Variants in IGF2BP1 observed in about 807,000 individuals in gnomAD.
The protein encoded by IGF2BP1 is insulin-like growth factor 2 mRNA-binding protein 1.
In IGF2BP1, 11 loss-of-function variants were observed where a neutral mutation model predicts 74.9. The observed-to-expected ratio is 0.15, with a 90% confidence interval of 0.09 to 0.24. The LOEUF is 0.24. Ranked by LOEUF, IGF2BP1 falls within the 10% of genes least tolerant of loss-of-function variation. The pLI is 1.00. For synonymous variants in IGF2BP1, 287 were observed against 281.8 expected (o/e 1.02, Z -0.18); for missense variants, 440 against 757.4 (o/e 0.58, Z 4.92).
rs769647368 is a variant in IGF2BP1, at chr17:49,044,021, G to A, written c.1255G>A (p.Ala419Thr). 3 of 1,614,128 alleles carry A rather than the reference G, an allele frequency of 1.9e-6. No homozygotes were observed. Among genetic ancestry groups the A allele is most frequent in the Non-Finnish European group, 1.7e-6 (2 of 1,180,026 alleles). Residue 419 changes from alanine to threonine, a missense_variant, in exon 11 of 15, where the codon GCC becomes ACC. Physicochemically the swap from Ala to Thr is moderately conservative, Grantham distance 58 (BLOSUM62 0). Coordinates refer to ENST00000290341, the MANE Select transcript of IGF2BP1 (RefSeq NM_006546.4). ...QVFIPAQAVG[A>T]IIGKKGQHIK... is the part of the protein sequence containing the mutation. Reference sequence around the variant, plus strand: ...GTTTATCCCCGCCCAGGCAGTGGGCGCCATCATCGGCAAGAAGGGGCAGCA... The same window carrying A: ...GTTTATCCCCGCCCAGGCAGTGGGCACCATCATCGGCAAGAAGGGGCAGCA...
Position 49,054,411 on chromosome 17 carries a change from C to T in IGF2BP1, c.*4967C>T, listed in dbSNP as rs767866941. On this transcript the variant is annotated 3_prime_UTR_variant, in exon 15 of 15. Transcript: ENST00000290341. Reference sequence around the variant, plus strand: ...AAGATTGGAACTAAGGGCAGGGACTCATGCATAAGGGTATGAATCCCAGCC... The same window carrying T: ...AAGATTGGAACTAAGGGCAGGGACTTATGCATAAGGGTATGAATCCCAGCC... 4.6e-5 allele frequency: 7 copies of T among 152,690 alleles called. No individual in the cohort carries two copies. Among genetic ancestry groups the T allele is most frequent in the Non-Finnish European group, 1.0e-4 (7 of 68,058 alleles). The allele number at this position is 152,690 out of a possible 1,614,324, so 9.5% of individuals were successfully genotyped here.
chr17:49,038,135 G>A, intron 5 of IGF2BP1, 33 bp from the exon 6 acceptor site: 2 of 1,445,096 alleles, frequency 1.4e-6, no homozygotes, highest in Non-Finnish European at 1.8e-6. Context: ...GGCATGGATT[G>A]GAATGACCTG....
At chr17:49,045,198 C>G in intron 12 of IGF2BP1, 133 bp downstream of exon 12, 1 of 692,176 alleles carries the variant, frequency 1.4e-6, no homozygotes. Flanking sequence ...GCCTTCCATG[C>G]AGGATAAAGG....
rs1004501970 is a variant in IGF2BP1, at chr17:49,055,824, C to CGTAG, written c.*6380_*6381insGTAG. 7.0e-6 allele frequency among the ~76,000 whole-genome samples: 1 copy of CGTAG among 143,178 alleles called. No individual in the cohort carries two copies. The highest frequency in any genetic ancestry group is 7.2e-5 in the Admixed American group (1 of 13,880). 93.9% of individuals were successfully genotyped at this position (143,178 alleles called of 152,430 possible). A position where few individuals can be genotyped will look rare whatever the true frequency, so the allele number is the denominator to read the frequency against. On this transcript the variant is annotated 3_prime_UTR_variant, in exon 15 of 15. Transcript: ENST00000290341. ...CAAATTGGGAAGAGCTGGAGGCCTA[C>CGTAG]TGCTTGGGACAGTTTTTTTTTTTTT...
At chr17:49,002,365 A>C (rs2041497696) in intron 2 of IGF2BP1, among the ~76,000 whole-genome samples, 1 of 152,130 alleles carries the variant, frequency 6.6e-6, no homozygotes, top group Non-Finnish European at 1.5e-5. Flanking sequence ...GCTCTGAAGA[A>C]ATCACTTGGA....
In IGF2BP1 at chr17:49,038,357, C is replaced by T. The variant is rs1430127332; in HGVS notation, c.591C>T (p.Pro197=). Residue 197 remains proline, a synonymous_variant, in exon 6 of 15, where the codon CCC becomes CCT. Coordinates refer to ENST00000290341, the MANE Select transcript of IGF2BP1 (RefSeq NM_006546.4). ...CCAAGCAGCAGCAAGTGGACATCCC[C>T]CTTCGGCTCCTGGTGCCCACCCAGT... ...APAKQQQVDI[P]LRLLVPTQYV... 1.2e-6 allele frequency: 2 copies of T among 1,605,412 alleles called. No individual in the cohort carries two copies. Among genetic ancestry groups the T allele is most frequent in the Admixed American group, 1.7e-5 (1 of 58,400 alleles).
intron 1 of IGF2BP1, 89 bp downstream of exon 1, chr17:48,998,009 C>A: frequency 6.8e-7 from 1 of 1,466,342 alleles, no homozygotes; most frequent in South Asian, 1.3e-5. Context: ...CCGCCAACTC[C>A]TCTCTTCCCG....
In IGF2BP1 at chr17:48,997,942, G is replaced by C. The variant is rs1471368026; in HGVS notation, c.175+22G>C. 1 of 1,608,870 alleles carries C rather than the reference G, an allele frequency of 6.2e-7. No individual in the cohort carries two copies. The highest frequency in any genetic ancestry group is 8.5e-7 in the Non-Finnish European group (1 of 1,177,450). On this transcript the variant is annotated intron_variant, in intron 1 of 14. Coordinates refer to ENST00000290341, the MANE Select transcript of IGF2BP1 (RefSeq NM_006546.4). The surrounding 1 kb of genome is among the most constrained non-coding windows in gnomAD (Gnocchi z 4.8). The stretch of plus-strand genomic sequence containing the variant: ...TCCGGTAAGAACACAGCCACCTCCC[G>C]GAAAAGCCACAACGAGAGCCCCGAA...
At chr17:49,015,328 G>A (rs937238683) in intron 2 of IGF2BP1, among the ~76,000 whole-genome samples, 2 of 152,148 alleles carry the variant, frequency 1.3e-5, no homozygotes, top group Non-Finnish European at 2.9e-5. Context: ...CACCGGGGGC[G>A]AGTGCTAAAC....
intron 7 of IGF2BP1, 62 bp downstream of exon 7, chr17:49,040,153 C>T (rs2042034743): frequency 6.3e-7 from 1 of 1,576,840 alleles, no homozygotes; most frequent in Non-Finnish European, 8.7e-7. Context: ...CTCCCCAACT[C>T]AACTTTCAAG....
chr17:49,017,582 A>C (rs1253867552), intron 2 of IGF2BP1, among the ~76,000 whole-genome samples: 1 of 152,150 alleles, frequency 6.6e-6, no homozygotes, highest in Admixed American at 6.5e-5. Flanking sequence ...CTAGTATTCT[A>C]AACTAGATTA....
chr17:49,029,085 G>T (rs1466414519), intron 4 of IGF2BP1, among the ~76,000 whole-genome samples: 1 of 152,198 alleles, frequency 6.6e-6, no homozygotes, highest in Non-Finnish European at 1.5e-5. Context: ...GATTACAGGA[G>T]TAAGCCACCG....
intron 4 of IGF2BP1, among the ~76,000 whole-genome samples, chr17:49,027,143 C>T (rs1160392089): frequency 1.3e-5 from 2 of 152,184 alleles, no homozygotes; most frequent in Non-Finnish European, 2.9e-5. Flanking sequence ...GGCGTGGACT[C>T]CTGGCCTCGG....
At chr17:49,023,660 C>T (rs2041817994) in intron 2 of IGF2BP1, among the ~76,000 whole-genome samples, 1 of 152,202 alleles carries the variant, frequency 6.6e-6, no homozygotes, top group Non-Finnish European at 1.5e-5. Flanking sequence ...ATTAGAGGGA[C>T]AGCCAGTCAG....
intron 2 of IGF2BP1, chr17:49,018,036 T>TA (rs1434117180): frequency 6.6e-6 from 1 of 152,292 alleles, no homozygotes; most frequent in Non-Finnish European, 1.5e-5. Flanking sequence ...GTGCTGGGAT[T>TA]ACAGGTGTGA....
At chr17:49,032,006 TGGG>T in intron 5 of IGF2BP1, 33 bp downstream of exon 5, 3 of 899,342 alleles carry the variant, frequency 3.3e-6, no homozygotes, top group Non-Finnish European at 5.3e-6. Context: ...CTGGGTGCGG[TGGG>T]GGGGGGTTCT....
At chr17:49,038,004 A>C (rs982464807) in intron 5 of IGF2BP1, among the ~76,000 whole-genome samples, 164 bp from the exon 6 acceptor site, 1 of 152,134 alleles carries the variant, frequency 6.6e-6, no homozygotes, top group South Asian at 2.1e-4. Context: ...TGCCATTTAG[A>C]CTGGAAAGTT....
chr17:49,045,440 C>T (rs2042099041), intron 12 of IGF2BP1, among the ~76,000 whole-genome samples: 1 of 152,178 alleles, frequency 6.6e-6, no homozygotes, highest in African/African-American at 2.4e-5. Flanking sequence ...GAACCATCAA[C>T]TAGCTTAACC....
rs376052521 is a variant in IGF2BP1, at chr17:49,050,930, C to G, written c.*1486C>G. 13 of 152,562 alleles carry G rather than the reference C, an allele frequency of 8.5e-5. No individual in the cohort carries two copies. In the East Asian group the frequency reaches 1.9e-3, roughly 23 times the overall value. 9.5% of individuals were successfully genotyped at this position (152,562 alleles called of 1,614,324 possible). ...CTTTAGCTACCCTGGACAATGCTAT[C>G]AAGTGTGCTGGGAAGGGAGGAAGGC... On this transcript the variant is annotated 3_prime_UTR_variant, in exon 15 of 15. Coordinates refer to ENST00000290341, the MANE Select transcript of IGF2BP1 (RefSeq NM_006546.4).
Sources: gnomAD v4.1 joint callset for allele counts (sites outside exome capture counted in the v4.1 genomes callset) on GRCh38, gnomAD v4.1.1 for gene constraint, Gnocchi (gnomAD v3.1) non-coding constraint, MANE v1.5 for transcripts, NCBI Gene and HGNC (gene_info 2026-07-23, HGNC 2026-07-21) for gene names.